The following SLC38A7 variants were observed in gnomAD, a reference collection of about 807,000 sequenced individuals.
SLC38A7 encodes the protein sodium-coupled neutral amino acid transporter 7.
Under a neutral mutation model 50.1 loss-of-function variants are expected in SLC38A7, and 29 were observed. The observed-to-expected ratio is 0.58, with a 90% confidence interval of 0.43 to 0.79. The LOEUF is 0.79. Among genes scored for constraint, SLC38A7 ranks in the 30% least tolerant of loss-of-function variants. The pLI, the probability that SLC38A7 is intolerant of heterozygous loss-of-function variation, is 0.00. For missense variants in SLC38A7, 483 were observed against 610.6 expected, an observed-to-expected ratio of 0.79 and a Z score of 2.20; for synonymous variants, 244 against 245.9, an observed-to-expected ratio of 0.99 and a Z score of 0.07.
At position 58,667,480 on chromosome 16, in the gene SLC38A7, C is replaced by T. The variant is rs544391406; in HGVS notation, c.1294G>A (p.Val432Met). The change falls in exon 12 of 12, where the codon GTG becomes ATG. Residue 432 changes from valine (V) to methionine (M), a missense_variant. Coordinates refer to ENST00000219320, the MANE Select transcript of SLC38A7 (RefSeq NM_018231.3). Reference sequence around the variant, plus strand: ...AAGAGGACTCCGTAGCTGACCAGCACCCACCAGCTGTAGAACAGAGGGTGA... The same window carrying T: ...AAGAGGACTCCGTAGCTGACCAGCATCCACCAGCTGTAGAACAGAGGGTGA... ...MEEVKPASWW[V>M]LVSYGVLLVT... 1.2e-6 allele frequency: 2 copies of T among 1,609,216 alleles called. No homozygotes were observed. The highest frequency in any genetic ancestry group is 1.7e-5 in the Admixed American group (1 of 59,200).
chr16:58,671,520 T>C, intron 9 of SLC38A7: 2 of 544,656 alleles, frequency 3.7e-6, no homozygotes, highest in Non-Finnish European at 6.5e-6. Context: ...AAGGGGAGGG[T>C]GTCCATGTGA....
chr16:58,676,684 C>A (rs2044274057), intron 6 of SLC38A7, among the ~76,000 whole-genome samples: 3 of 152,108 alleles, frequency 2.0e-5, no homozygotes, highest in Non-Finnish European at 4.4e-5. Flanking sequence ...TGGAGTCTTG[C>A]TCTGTCACCC....
rs368589356 is a variant in SLC38A7 at position 58,676,408 on chromosome 16, C to T, written c.711-62G>A. ...CCCCTCAGAGCCACAACCCACCCCA[C>T]GCCCTCACTCTTCGGTCAGCCCACC... On this transcript the variant is annotated intron_variant, in intron 6 of 11. Coordinates refer to ENST00000219320, the MANE Select transcript of SLC38A7 (RefSeq NM_018231.3). 7.5e-5 allele frequency: 118 copies of T among 1,576,372 alleles called. 1 individual carries two copies. Among genetic ancestry groups the T allele is most frequent in the African/African-American group, 4.6e-4 (34 of 74,306 alleles).
At chr16:58,668,253 C>T (rs373147333) in intron 11 of SLC38A7, among the ~76,000 whole-genome samples, 308 of 151,816 alleles carry the variant, frequency 2.0e-3, no homozygotes, top group Middle Eastern at 6.8e-3. Context: ...GCCTGGCCAG[C>T]GTGGTGAAAC....
chr16:58,674,966 C>T (rs1489396257), intron 8 of SLC38A7, among the ~76,000 whole-genome samples: 1 of 152,176 alleles, frequency 6.6e-6, no homozygotes, highest in African/African-American at 2.4e-5. Context: ...CCTCGAGGCC[C>T]AACAGGATCT....
chr16:58,679,793 C>A, intron 3 of SLC38A7, 64 bp downstream of exon 3: 1 of 1,604,652 alleles, frequency 6.2e-7, no homozygotes, highest in South Asian at 1.1e-5. Flanking sequence ...TGACCCGAAG[C>A]CTCCCTTTTG....
intron 10 of SLC38A7, among the ~76,000 whole-genome samples, chr16:58,670,422 CAGT>C: frequency 6.6e-6 from 1 of 152,352 alleles, no homozygotes; most frequent in East Asian, 1.9e-4. Flanking sequence ...AATGGTGACT[CAGT>C]GGTGGCCCAA....
rs572624625 is a variant in SLC38A7 at position 58,669,961 on chromosome 16, C to T, written c.1286+152G>A. The T allele has an allele frequency of 1.2e-3, 810 of 674,466 alleles. 1 individual carries two copies. The highest frequency in any genetic ancestry group is 1.8e-3 in the Non-Finnish European group (746 of 415,794). The allele number at this position is 674,466 out of a possible 1,614,324, so 41.8% of individuals were successfully genotyped here. A position where few individuals can be genotyped will look rare whatever the true frequency, so the allele number is the denominator to read the frequency against. The stretch of plus-strand genomic sequence containing the variant: ...CTGCACTCCAGGCTGGGCGACACAG[C>T]GAGACTCCGGCTCAAAAAAAAAAAA... On this transcript the variant is annotated intron_variant, in intron 11 of 11. Coordinates refer to ENST00000219320, the MANE Select transcript of SLC38A7 (RefSeq NM_018231.3).
intron 11 of SLC38A7, among the ~76,000 whole-genome samples, chr16:58,668,642 G>A (rs1597661811): frequency 6.8e-6 from 1 of 146,464 alleles, no homozygotes; most frequent in East Asian, 2.1e-4. Flanking sequence ...AACCCGGGAG[G>A]TGGAGGTTGT....
At position 58,672,292 on chromosome 16, in the gene SLC38A7, G is replaced by C. The variant is rs779058270; in HGVS notation, c.884-49C>G. 7.8e-6 allele frequency: 12 copies of C among 1,542,262 alleles called. No homozygotes were observed. In the African/African-American group the frequency reaches 1.5e-4, roughly 19 times the overall value. Reference sequence around the variant, plus strand: ...AGGGCAACCCTGGGAGGGTAGTGGGGTGGACTGTCCACTCCTCCTAGGAGC... The same window carrying C: ...AGGGCAACCCTGGGAGGGTAGTGGGCTGGACTGTCCACTCCTCCTAGGAGC... On this transcript the variant is annotated intron_variant, in intron 8 of 11. Transcript: ENST00000219320.
chr16:58,670,163 C>G lies in SLC38A7; in HGVS notation c.1236G>C (p.Leu412=). ...AACFIFVFPG[L]CLIQAKLSEM... is the part of the protein sequence containing the mutation. ...CAGAGAGTTTGGCTTGAATGAGGCA[C>G]AGCCCTGAAAGAGAAGAAGTGGCCC... is the stretch of plus-strand genomic sequence containing the variant. The change falls in exon 11 of 12, where the codon CTG becomes CTC. Residue 412 remains leucine (L), a synonymous_variant. Transcript: ENST00000219320. 1 of 1,614,152 alleles carries G rather than the reference C, an allele frequency of 6.2e-7. No homozygotes were observed. The highest frequency in any genetic ancestry group is 8.5e-7 in the Non-Finnish European group (1 of 1,180,002).
chr16:58,675,401 G>A, intron 8 of SLC38A7: 1 of 397,034 alleles, frequency 2.5e-6, no homozygotes, highest in Non-Finnish European at 4.9e-6. Flanking sequence ...TGTAGTCCCA[G>A]CTACTCTGGA....
chr16:58,681,839 A>T (rs1028790676), intron 2 of SLC38A7: 1 of 152,178 alleles, frequency 6.6e-6, no homozygotes, highest in African/African-American at 2.4e-5. Context: ...GCCCTAAGCA[A>T]GCAGGGAGCA....
rs2044026587 is a variant in SLC38A7, at chr16:58,665,863, G to A, written c.*1522C>T. The A allele has an allele frequency of 6.6e-6, 1 of 152,552 alleles. No individual in the cohort carries two copies. The highest frequency in any genetic ancestry group is 6.5e-5 in the Admixed American group (1 of 15,274). 9.4% of individuals were successfully genotyped at this position (152,552 alleles called of 1,614,324 possible). A position where few individuals can be genotyped will look rare whatever the true frequency, so the allele number is the denominator to read the frequency against. On this transcript the variant is annotated 3_prime_UTR_variant, in exon 12 of 12. Coordinates refer to ENST00000219320, the MANE Select transcript of SLC38A7 (RefSeq NM_018231.3). ...GGCCTGATGGACGTGCGTTGCTGAG[G>A]AGGCTGGTAAGAGAGCCCCCACTGT...
At chr16:58,672,305 TC>T in intron 8 of SLC38A7, 62 bp from the exon 9 acceptor site, 1 of 1,497,562 alleles carries the variant, frequency 6.7e-7, no homozygotes, top group Non-Finnish European at 9.0e-7. Context: ...GACTGTCCAC[TC>T]CTCCTAGGAG....
intron 8 of SLC38A7, among the ~76,000 whole-genome samples, chr16:58,674,915 AC>A (rs1026393458): frequency 4.0e-5 from 6 of 150,586 alleles, no homozygotes; most frequent in African/African-American, 1.5e-4. Flanking sequence ...TCCCCGAACC[AC>A]CCCCCTGCTT....
chr16:58,674,887 G>C (rs898977690), intron 8 of SLC38A7, among the ~76,000 whole-genome samples: 1 of 151,918 alleles, frequency 6.6e-6, no homozygotes, highest in Non-Finnish European at 1.5e-5. Flanking sequence ...CTCTCCACAC[G>C]GCAGCCAGAG....
Position 58,672,253 on chromosome 16 carries a change from G to A in SLC38A7, c.884-10C>T. On this transcript the variant is annotated splice_polypyrimidine_tract_variant and intron_variant, in intron 8 of 11. Coordinates refer to ENST00000219320, the MANE Select transcript of SLC38A7 (RefSeq NM_018231.3). Reference sequence around the variant, plus strand: ...AGGAAGCCACAGATGCCTGTGGGCAGGGACAACTGGGTCAGGGCAACCCTG... The same window carrying A: ...AGGAAGCCACAGATGCCTGTGGGCAAGGACAACTGGGTCAGGGCAACCCTG... The A allele has an allele frequency of 6.3e-7, 1 of 1,575,748 alleles. No homozygotes were observed. The highest frequency in any genetic ancestry group is 8.6e-7 in the Non-Finnish European group (1 of 1,160,262).
chr16:58,680,935 C>T (rs1359986159), intron 2 of SLC38A7, among the ~76,000 whole-genome samples: 1 of 152,198 alleles, frequency 6.6e-6, no homozygotes, highest in Non-Finnish European at 1.5e-5. Context: ...CCTATTTCTT[C>T]CCCATTTCCT....
Sources: gnomAD v4.1 joint callset for allele counts (sites outside exome capture counted in the v4.1 genomes callset) on GRCh38, gnomAD v4.1.1 for gene constraint, MANE v1.5 for transcripts, NCBI Gene and HGNC (gene_info 2026-07-23, HGNC 2026-07-21) for gene names.